Variants in BMPER observed in about 807,000 individuals in gnomAD.
BMPER encodes the protein BMP-binding endothelial regulator protein.
BMPER carries 45 observed loss-of-function variants against 87.3 expected under a neutral mutation model. The observed-to-expected ratio is 0.52, with a 90% confidence interval of 0.41 to 0.66. BMPER has a LOEUF of 0.66. Ranked by LOEUF, BMPER falls within the 30% of genes least tolerant of loss-of-function variation. The pLI is 0.00. For synonymous variants in BMPER, 326 were observed against 316.2 expected (o/e 1.03, Z -0.33); for missense variants, 784 against 867.5 (o/e 0.90, Z 1.21).
chr7:34,074,309 G>A (rs954749072), intron 11 of BMPER, among the ~76,000 whole-genome samples: 17 of 152,254 alleles, frequency 1.1e-4, no homozygotes, highest in African/African-American at 3.6e-4. Flanking sequence ...CAGGTGCCAC[G>A]TGGTGGATCA....
intron 6 of BMPER, among the ~76,000 whole-genome samples, chr7:34,031,912 A>G (rs1364191671): frequency 7.9e-6 from 1 of 125,840 alleles, no homozygotes; most frequent in Non-Finnish European, 1.6e-5. Context: ...ATATATATAT[A>G]TATATATATA....
intron 6 of BMPER, among the ~76,000 whole-genome samples, chr7:34,023,503 C>A (rs577646305): frequency 1.8e-4 from 28 of 152,158 alleles, no homozygotes; most frequent in African/African-American, 6.7e-4. Flanking sequence ...CATGCTTGTC[C>A]TGTTCTCTGT....
In BMPER at chr7:33,925,084, C is replaced by T. The variant is rs375866194; in HGVS notation, c.220-12205C>T. Among the ~76,000 whole-genome samples the T allele has an allele frequency of 7.0e-4, 107 of 152,274 alleles. 1 individual carries two copies. In the South Asian group the frequency reaches 0.019, roughly 27 times the overall value. On this transcript the variant is annotated intron_variant, in intron 2 of 14. Coordinates refer to ENST00000649409, the MANE Select transcript of BMPER (RefSeq NM_001365308.1). ...CATGAGATCATGCGTGGGTGTGTTC[C>T]CTGCAGTCGTCCCTGCTAGAACGTC...
chr7:33,951,008 C>A (rs910115131), intron 3 of BMPER, among the ~76,000 whole-genome samples: 1 of 151,972 alleles, frequency 6.6e-6, no homozygotes, highest in African/African-American at 2.4e-5. Context: ...GGGTCTTGCT[C>A]TCCCCTGTCT....
chr7:34,053,449 C>T (rs1788196994), intron 8 of BMPER, among the ~76,000 whole-genome samples: 2 of 152,018 alleles, frequency 1.3e-5, no homozygotes. Flanking sequence ...GCATTGATTC[C>T]CTGTACCGTT....
chr7:33,908,333 A>G (rs571972707), intron 2 of BMPER, among the ~76,000 whole-genome samples: 18 of 152,330 alleles, frequency 1.2e-4, no homozygotes, highest in South Asian at 4.1e-4. Flanking sequence ...AGAGCTTTGC[A>G]TATAAATATA....
At chr7:34,061,732 A>T (rs1788439563) in intron 10 of BMPER, among the ~76,000 whole-genome samples, 1 of 152,202 alleles carries the variant, frequency 6.6e-6, no homozygotes, top group African/African-American at 2.4e-5. Context: ...ATGTGAGAAA[A>T]ATCACACTAG....
At chr7:33,987,975 A>T (rs1786058718) in intron 6 of BMPER, among the ~76,000 whole-genome samples, 1 of 152,232 alleles carries the variant, frequency 6.6e-6, no homozygotes. Context: ...TAACAAAAGC[A>T]GTTACTCATT....
chr7:34,028,814 A>T (rs1356386813), intron 6 of BMPER, among the ~76,000 whole-genome samples: 3 of 151,508 alleles, frequency 2.0e-5, no homozygotes, highest in Admixed American at 2.0e-4. Context: ...GTAAACACAA[A>T]TTGCCAGTGT....
intron 3 of BMPER, among the ~76,000 whole-genome samples, chr7:33,944,244 C>G (rs1784829635): frequency 6.6e-6 from 1 of 151,954 alleles, no homozygotes; most frequent in Non-Finnish European, 1.5e-5. Context: ...CGGCTCACTG[C>G]AACCTCCGCC....
intron 13 of BMPER, among the ~76,000 whole-genome samples, chr7:34,121,495 G>C (rs1418436740): frequency 1.3e-5 from 2 of 152,072 alleles, no homozygotes; most frequent in Admixed American, 6.6e-5. Context: ...TTGAGTTTTA[G>C]TCTTCCACTC....
At chr7:34,012,874 A>G (rs1786919050) in intron 6 of BMPER, among the ~76,000 whole-genome samples, 1 of 151,976 alleles carries the variant, frequency 6.6e-6, no homozygotes, top group Admixed American at 6.6e-5. Flanking sequence ...CTCAAATGGA[A>G]TCAATGTGAA....
intron 5 of BMPER, among the ~76,000 whole-genome samples, chr7:33,971,446 C>T (rs1785544119): frequency 3.3e-5 from 5 of 152,180 alleles, no homozygotes; most frequent in Admixed American, 3.3e-4. Context: ...ACTGGGATTT[C>T]TGTAAAGCTT....
chr7:33,960,497 C>A (rs1212990415), intron 3 of BMPER, among the ~76,000 whole-genome samples: 1 of 152,202 alleles, frequency 6.6e-6, no homozygotes, highest in African/African-American at 2.4e-5. Context: ...AGCAGCAAAG[C>A]ATGGCAGACC....
At position 34,079,037 on chromosome 7, in the gene BMPER, C is replaced by G; in HGVS notation, c.1259C>G (p.Ser420Trp). 1 of 1,614,166 alleles carries G rather than the reference C, an allele frequency of 6.2e-7. No individual in the cohort carries two copies. The highest frequency in any genetic ancestry group is 8.5e-7 in the Non-Finnish European group (1 of 1,180,014). The change falls in exon 12 of 15, where the codon TCG (serine) becomes TGG (tryptophan). Residue 420 changes from serine to tryptophan, a missense_variant. By Grantham distance (177) the Ser-to-Trp change is radical. Coordinates refer to ENST00000649409, the MANE Select transcript of BMPER (RefSeq NM_001365308.1). ...RRTRSFSWTK[S>W]VELVLGESRV... ...ACACGCTCCTTCTCGTGGACCAAGT[C>G]GGTGGAGCTGGTGCTGGGCGAGAGC...
At position 34,153,110 on chromosome 7, in the gene BMPER, G is replaced by A. The variant is rs148107757; in HGVS notation, c.1895G>A (p.Gly632Asp). ...QNCAATQCKH[G>D]AVYDTCGPGC... ...TTTTCAGCCACCCAGTGTAAGCATGGTGCTGTGTACGATACCTGTGGTCCG... is the reference window on the plus strand; with the variant it reads ...TTTTCAGCCACCCAGTGTAAGCATGATGCTGTGTACGATACCTGTGGTCCG... Residue 632 changes from glycine (G) to aspartate (D), a missense_variant, in exon 15 of 15, where the codon GGT becomes GAT. Gly to Asp is a moderately conservative substitution (Grantham distance 94). Transcript: ENST00000649409. The A allele has an allele frequency of 6.2e-7, 1 of 1,614,008 alleles. No individual in the cohort carries two copies. The highest frequency in any genetic ancestry group is 8.5e-7 in the Non-Finnish European group (1 of 1,179,922).
At chr7:34,130,079 T>G (rs1261314939) in intron 13 of BMPER, among the ~76,000 whole-genome samples, 2 of 152,190 alleles carry the variant, frequency 1.3e-5, no homozygotes, top group African/African-American at 4.8e-5. Flanking sequence ...TTCTTCCTGA[T>G]ATTATGTCAC....
At chr7:33,971,602 C>T (rs1785549253) in intron 5 of BMPER, among the ~76,000 whole-genome samples, 1 of 152,160 alleles carries the variant, frequency 6.6e-6, no homozygotes, top group African/African-American at 2.4e-5. Context: ...TATTGCCTAA[C>T]CGTATCCTTA....
At chr7:34,114,928 G>A (rs1339271361) in intron 13 of BMPER, among the ~76,000 whole-genome samples, 1 of 152,232 alleles carries the variant, frequency 6.6e-6, no homozygotes, top group African/African-American at 2.4e-5. Flanking sequence ...AAAACAGTAA[G>A]AGAGAGTCAA....
Sources: gnomAD v4.1 joint callset for allele counts (sites outside exome capture counted in the v4.1 genomes callset) on GRCh38, gnomAD v4.1.1 for gene constraint, MANE v1.5 for transcripts, NCBI Gene and HGNC (gene_info 2026-07-23, HGNC 2026-07-21) for gene names.